Variants in GPM6A observed in about 807,000 individuals in gnomAD.
GPM6A encodes glycoprotein M6A, also known as neuronal membrane glycoprotein M6-a.
In GPM6A, 7 loss-of-function variants were observed where a neutral mutation model predicts 32.1. That is an observed-to-expected ratio of 0.22 (90% CI 0.12 to 0.41). GPM6A has a LOEUF of 0.41. GPM6A is among the 10% of genes least tolerant of loss of function. The probability of loss-of-function intolerance (pLI) is 1.00; values close to 1 mark genes in which losing one functional copy is unlikely to be tolerated. For missense variants in GPM6A, 235 were observed against 347.2 expected (o/e 0.68, Z 2.57); for synonymous variants, 130 against 123.4 (o/e 1.05, Z -0.35).
Position 175,868,167 on chromosome 4 carries a change from C to A in GPM6A, c.-22-55918G>T, listed in dbSNP as rs139764422. ...TGAGTCTTTGATCTGGCAAGACTAA[C>A]TCCCTGCTTTCACCTGTCTGTCTCT... On this transcript the variant is annotated intron_variant, in intron 1 of 7. Coordinates refer to the GPM6A transcript ENST00000280187. Among the ~76,000 whole-genome samples the A allele has an allele frequency of 6.0e-3, 909 of 152,304 alleles. 6 individuals are homozygous for A. Among genetic ancestry groups the A allele is most frequent in the South Asian group, 7.9e-3 (38 of 4,822 alleles).
chr4:175,962,276 A>G (rs758830670), intron 1 of GPM6A: 170 of 1,319,798 alleles, frequency 1.3e-4, no homozygotes, highest in Middle Eastern at 7.2e-4. Context: ...ATGCCTTTTC[A>G]ACACCACAGA....
intron 1 of GPM6A, among the ~76,000 whole-genome samples, chr4:175,846,086 G>A (rs1736078312): frequency 6.6e-6 from 1 of 151,946 alleles, no homozygotes; most frequent in African/African-American, 2.4e-5. Flanking sequence ...TTCTTTTCAA[G>A]CCCTAATGTG....
chr4:175,809,141 C>T (rs558130643), intron 1 of GPM6A, among the ~76,000 whole-genome samples: 5 of 152,266 alleles, frequency 3.3e-5, no homozygotes, highest in African/African-American at 9.6e-5. Flanking sequence ...AAATCATTTA[C>T]GTATTTTCTC....
chr4:175,798,396 T>C (rs1734322013), intron 1 of GPM6A, among the ~76,000 whole-genome samples: 1 of 152,220 alleles, frequency 6.6e-6, no homozygotes, highest in Admixed American at 6.5e-5. Context: ...ACTCTGTTTA[T>C]GACACTTACA....
chr4:175,708,043 C>G (rs1347152562), intron 1 of GPM6A, among the ~76,000 whole-genome samples: 1 of 152,088 alleles, frequency 6.6e-6, no homozygotes, highest in Non-Finnish European at 1.5e-5. Flanking sequence ...ATCAATGTAT[C>G]CAACAGTTAT....
intron 1 of GPM6A, among the ~76,000 whole-genome samples, chr4:175,810,360 A>G (rs1388112795): frequency 6.6e-6 from 1 of 152,204 alleles, no homozygotes; most frequent in Non-Finnish European, 1.5e-5. Context: ...TTGTATTCAT[A>G]TACATTTACA....
intron 1 of GPM6A, among the ~76,000 whole-genome samples, chr4:175,934,915 C>T (rs1349418909): frequency 6.6e-6 from 1 of 152,116 alleles, no homozygotes; most frequent in African/African-American, 2.4e-5. Flanking sequence ...TCCTTAAAAA[C>T]AATAATGATA....
intron 3 of GPM6A, among the ~76,000 whole-genome samples, chr4:175,671,515 A>T (rs1160358881): frequency 7.3e-6 from 1 of 136,892 alleles, no homozygotes; most frequent in African/African-American, 2.7e-5. Flanking sequence ...AAGCAGCATC[A>T]GTAGAGTGGA....
intron 1 of GPM6A, among the ~76,000 whole-genome samples, chr4:175,825,728 G>A (rs1735412440): frequency 1.3e-5 from 2 of 152,118 alleles, no homozygotes; most frequent in Admixed American, 1.3e-4. Context: ...TCGTTAGAAA[G>A]GAAAGAAGAC....
chr4:175,938,382 G>A (rs1193309498), intron 1 of GPM6A, among the ~76,000 whole-genome samples: 3 of 152,144 alleles, frequency 2.0e-5, no homozygotes, highest in African/African-American at 7.2e-5. Context: ...GTGTAAAAGC[G>A]TTCCTGTTTC....
At chr4:175,828,686 A>G (rs1735512657) in intron 1 of GPM6A, among the ~76,000 whole-genome samples, 1 of 152,174 alleles carries the variant, frequency 6.6e-6, no homozygotes, top group African/African-American at 2.4e-5. Context: ...GAACATTTGA[A>G]ATACAATAAG....
intron 1 of GPM6A, among the ~76,000 whole-genome samples, chr4:175,711,636 A>G (rs1745550649): frequency 6.7e-6 from 1 of 149,186 alleles, no homozygotes; most frequent in Non-Finnish European, 1.5e-5. Flanking sequence ...CAGCCAAGTT[A>G]AAAGGGCTCC....
At chr4:175,902,500 C>T (rs7436322) in intron 1 of GPM6A, among the ~76,000 whole-genome samples, 84,269 of 151,962 alleles carry the variant, frequency 0.55, 23,604 homozygotes, top group Middle Eastern at 0.69. Context: ...CAGGCTCCAT[C>T]TTTCCTTTCT....
At chr4:175,916,267 TC>T (rs533827664) in intron 1 of GPM6A, among the ~76,000 whole-genome samples, 112 of 152,278 alleles carry the variant, frequency 7.4e-4, no homozygotes, top group African/African-American at 2.5e-3. Flanking sequence ...AAGAATACCA[TC>T]CATGCTATAC....
At chr4:175,880,376 T>G (rs1737231328) in intron 1 of GPM6A, among the ~76,000 whole-genome samples, 1 of 152,210 alleles carries the variant, frequency 6.6e-6, no homozygotes, top group South Asian at 2.1e-4. Context: ...GTGGGCTATT[T>G]TTTGGTTCCA....
At chr4:175,921,186 A>T (rs1008223061) in intron 1 of GPM6A, among the ~76,000 whole-genome samples, 11 of 152,198 alleles carry the variant, frequency 7.2e-5, no homozygotes, top group Non-Finnish European at 1.6e-4. Context: ...TTAATTATTA[A>T]TAACTTTCAA....
intron 1 of GPM6A, among the ~76,000 whole-genome samples, chr4:175,832,332 T>G (rs1037249948): frequency 1.3e-5 from 2 of 152,204 alleles, no homozygotes; most frequent in Non-Finnish European, 2.9e-5. Flanking sequence ...AAGTAGTATT[T>G]TTTTCTTTAT....
chr4:175,768,320 A>C (rs994295903), intron 1 of GPM6A, among the ~76,000 whole-genome samples: 1 of 152,178 alleles, frequency 6.6e-6, no homozygotes, highest in East Asian at 1.9e-4. Context: ...TCTAAGAAGG[A>C]AATATATCAG....
rs148380531 is a variant in GPM6A at position 175,986,410 on chromosome 4, G to A, written c.-23+15899C>T. On this transcript the variant is annotated intron_variant, in intron 1 of 7. Transcript: ENST00000280187. ...AAATAAGTTGGGTGCAGTGGCTGTG[G>A]GTATAGTCCCAGCTACTCAGGAGGC... Among the ~76,000 whole-genome samples the A allele has an allele frequency of 6.5e-3, 987 of 151,942 alleles. 8 individuals carry two copies. Among genetic ancestry groups the A allele is most frequent in the African/African-American group, 0.022 (931 of 41,438 alleles).
Sources: allele counts gnomAD v4.1 joint callset (sites outside exome capture counted in the v4.1 genomes callset), GRCh38; gene constraint gnomAD v4.1.1; transcripts MANE v1.5; gene names NCBI Gene and HGNC (gene_info 2026-07-23, HGNC 2026-07-21).